Variants in IL16 observed in about 807,000 individuals in gnomAD.
IL16 encodes the protein pro-interleukin-16.
Under a neutral mutation model 110.1 loss-of-function variants are expected in IL16, and 67 were observed. The observed-to-expected ratio is 0.61, with a 90% CI of 0.50 to 0.75. The LOEUF is 0.75. Among genes scored for constraint, IL16 ranks in the 30% least tolerant of loss-of-function variants. The pLI is 0.00. For missense variants in IL16, 1,545 were observed against 1,655.0 expected (o/e 0.93, Z 1.15); for synonymous variants, 689 against 662.9 (o/e 1.04, Z -0.61).
At chr15:81,295,234 CTCTTTCCT>C (rs1472349608) in intron 12 of IL16, 6 of 322,074 alleles carry the variant, frequency 1.9e-5, no homozygotes, top group Non-Finnish European at 3.0e-5. Context: ...TGCTCTCTCC[CTCTTTCCT>C]TCTTTCTCTT....
chr15:81,269,682 G>C, intron 5 of IL16, 34 bp downstream of exon 5: 1 of 1,477,860 alleles, frequency 6.8e-7, no homozygotes. Flanking sequence ...GGAAGTCCTG[G>C]GGGGCAGCAC....
Position 81,225,618 on chromosome 15 carries a change from T to G in IL16, c.219T>G (p.Ser73Arg). 1 of 1,614,072 alleles carries G rather than the reference T, an allele frequency of 6.2e-7. No homozygotes were observed. Among genetic ancestry groups the G allele is most frequent in the Non-Finnish European group, 8.5e-7 (1 of 1,179,990 alleles). Residue 73 changes from serine to arginine, a missense_variant, in exon 2 of 19, where the codon AGT (serine) becomes AGG (arginine). Transcript: ENST00000683961. ...LADTSEAGPSSVPDLALASEA... is the reference protein window; with the variant it reads ...LADTSEAGPSRVPDLALASEA... The stretch of plus-strand genomic sequence containing the variant: ...ACACATCGGAGGCTGGGCCCAGCAG[T>G]GTTCCTGATCTAGCACTGGCCTCGG...
upstream of IL16, among the ~76,000 whole-genome samples, chr15:81,194,425 TTAA>T (rs1438847288): frequency 2.0e-5 from 3 of 151,712 alleles, no homozygotes; most frequent in Non-Finnish European, 2.9e-5. Context: ...TTTTGTAATT[TTAA>T]TTTTTTAAAT....
rs1484430545 is a variant in IL16 at position 81,259,706 on chromosome 15, C to G, written c.313-66C>G. ...TACTTCTATGGTCAGTGTCAAAATC[C>G]AATTTTGCTAAGCACAAGTTTTCTA... On this transcript the variant is annotated intron_variant, in intron 2 of 18. Coordinates refer to ENST00000683961, the MANE Select transcript of IL16 (RefSeq NM_172217.5). 1.4e-5 allele frequency: 15 copies of G among 1,067,216 alleles called. No individual in the cohort carries two copies. The East Asian group carries it at 3.6e-4, about 25-fold the overall frequency. The allele number at this position is 1,067,216 out of a possible 1,614,324, so 66.1% of individuals were successfully genotyped here. A position where few individuals can be genotyped will look rare whatever the true frequency, so the allele number is the denominator to read the frequency against.
chr15:81,224,233 C>T (rs1246968146), intron 1 of IL16, among the ~76,000 whole-genome samples: 2 of 152,230 alleles, frequency 1.3e-5, no homozygotes, highest in Non-Finnish European at 2.9e-5. Flanking sequence ...TATTAGGTCT[C>T]TGCTATTCCT....
In IL16 at chr15:81,292,663, T is replaced by C. The variant is rs1899787902; in HGVS notation, c.1528T>C (p.Ser510Pro). 1.9e-6 allele frequency: 3 copies of C among 1,613,974 alleles called. No individual in the cohort carries two copies. The highest frequency in any genetic ancestry group is 2.5e-6 in the Non-Finnish European group (3 of 1,180,014). The change falls in exon 12 of 19, where the codon TCC becomes CCC. Residue 510 changes from serine to proline, a missense_variant. This residue lies in a region of IL16 where 1,185 missense variants were observed against 1,238.8 expected (regional missense o/e 0.96). Coordinates refer to ENST00000683961, the MANE Select transcript of IL16 (RefSeq NM_172217.5). ...HRRAQKVMIRSSSDSSYMSGS... is the reference protein window; with the variant it reads ...HRRAQKVMIRPSSDSSYMSGS... ...CAGGGCTCAGAAGGTCATGATCCGCTCCAGCAGTGACAGCAGCTACATGTC... is the reference window on the plus strand; with the variant it reads ...CAGGGCTCAGAAGGTCATGATCCGCCCCAGCAGTGACAGCAGCTACATGTC...
chr15:81,182,830 C>T (rs1489505191), exon 1 of IL16: 1 of 1,287,594 alleles, frequency 7.8e-7, no homozygotes, highest in Non-Finnish European at 1.0e-6. Flanking sequence ...TTTCACAGCT[C>T]TCTCTCCCTC....
In IL16 at chr15:81,305,634, C is replaced by G. The variant is rs141261544; in HGVS notation, c.3421-274C>G. 1.6e-3 allele frequency: 676 copies of G among 412,698 alleles called. 2 individuals carry two copies. Among genetic ancestry groups the G allele is most frequent in the African/African-American group, 0.012 (607 of 50,278 alleles). The allele number at this position is 412,698 out of a possible 1,614,324, so 25.6% of individuals were successfully genotyped here. Reference sequence around the variant, plus strand: ...TGAAGCAAAAGATTTTATATGGAATCCCAACTAGAATCGTGGTGGTACACT... The same window carrying G: ...TGAAGCAAAAGATTTTATATGGAATGCCAACTAGAATCGTGGTGGTACACT... On this transcript the variant is annotated intron_variant, in intron 16 of 18. Transcript: ENST00000683961.
chr15:81,245,001 A>C (rs1389026964), intron 2 of IL16, among the ~76,000 whole-genome samples: 2 of 152,030 alleles, frequency 1.3e-5, no homozygotes, highest in African/African-American at 2.4e-5. Flanking sequence ...TAAGGTTTCC[A>C]CTTGATTCTT....
intron 1 of IL16, among the ~76,000 whole-genome samples, chr15:81,223,525 G>C (rs561847024): frequency 6.6e-6 from 1 of 152,280 alleles, no homozygotes; most frequent in African/African-American, 2.4e-5. Flanking sequence ...TTTGATTCCT[G>C]CTTTTACTGA....
chr15:81,196,978 C>A lies in IL16; in HGVS notation c.-276C>A. On this transcript the variant is annotated 5_prime_UTR_variant, in exon 1 of 19. Coordinates refer to ENST00000683961, the MANE Select transcript of IL16 (RefSeq NM_172217.5). ...GCCTGGGATCTGACTCAAAGGCCGG[C>A]CTCCGTCTGAGAACTGAGCGTCCAT... 1 of 1,275,924 alleles carries A rather than the reference C, an allele frequency of 7.8e-7. No individual in the cohort carries two copies. Among genetic ancestry groups the A allele is most frequent in the South Asian group, 1.3e-5 (1 of 79,088 alleles). The allele number at this position is 1,275,924 out of a possible 1,614,324, so 79.0% of individuals were successfully genotyped here. A position where few individuals can be genotyped will look rare whatever the true frequency, so the allele number is the denominator to read the frequency against.
intron 2 of IL16, among the ~76,000 whole-genome samples, chr15:81,248,299 T>G (rs1897639096): frequency 6.6e-6 from 1 of 152,092 alleles, no homozygotes; most frequent in African/African-American, 2.4e-5. Flanking sequence ...TTTATTCTTT[T>G]GTTTTCAACT....
chr15:81,208,679 T>C (rs1052838995), intron 1 of IL16, among the ~76,000 whole-genome samples: 14 of 152,216 alleles, frequency 9.2e-5, no homozygotes, highest in African/African-American at 3.1e-4. Flanking sequence ...CATTGTCTCC[T>C]TTTCCCCCAA....
At chr15:81,270,881 T>C (rs757117187) in intron 5 of IL16, among the ~76,000 whole-genome samples, 12 of 151,904 alleles carry the variant, frequency 7.9e-5, no homozygotes, top group Non-Finnish European at 1.3e-4. Context: ...TGATGATGAG[T>C]TCAGAAATAA....
chr15:81,294,616 C>G (rs1041951099), intron 12 of IL16, among the ~76,000 whole-genome samples: 1 of 152,166 alleles, frequency 6.6e-6, no homozygotes, highest in African/African-American at 2.4e-5. Context: ...GTACCTGCCC[C>G]CAACAGCACC....
In IL16 at chr15:81,282,739, C is replaced by T; in HGVS notation, c.1182C>T (p.His394=). ...CGCTGTCACCAGGATCCGTGGCGCA[C>T]CTGGACGGACGTCTCCGGTATGTCC... The part of the protein sequence containing the change: ...VHTLSPGSVA[H]LDGRLRCGDE... The change falls in exon 9 of 19, where the codon CAC becomes CAT. Residue 394 remains histidine (H), a synonymous_variant. Transcript: ENST00000683961. 6.2e-7 allele frequency: 1 copy of T among 1,613,332 alleles called. No homozygotes were observed. The highest frequency in any genetic ancestry group is 8.5e-7 in the Non-Finnish European group (1 of 1,179,246).
intron 1 of IL16, among the ~76,000 whole-genome samples, chr15:81,206,081 GATTA>G (rs1253548110): frequency 1.3e-5 from 2 of 152,278 alleles, no homozygotes; most frequent in East Asian, 3.9e-4. Context: ...GATTTTTTCA[GATTA>G]ATTAGACAAA....
At chr15:81,208,150 T>A (rs953827117) in intron 1 of IL16, among the ~76,000 whole-genome samples, 1 of 152,222 alleles carries the variant, frequency 6.6e-6, no homozygotes, top group Non-Finnish European at 1.5e-5. Flanking sequence ...TTTTCATATA[T>A]TTCTTGGCTG....
chr15:81,254,013 C>G (rs1897859876), intron 2 of IL16, among the ~76,000 whole-genome samples: 1 of 152,198 alleles, frequency 6.6e-6, no homozygotes, highest in South Asian at 2.1e-4. Flanking sequence ...CTTGTTTATC[C>G]TCATGACTGG....
Sources: gnomAD v4.1 joint callset for allele counts (sites outside exome capture counted in the v4.1 genomes callset) on GRCh38, gnomAD v4.1.1 for gene constraint, gnomAD v4.1.1 regional missense constraint, MANE v1.5 for transcripts, NCBI Gene and HGNC (gene_info 2026-07-23, HGNC 2026-07-21) for gene names.